PDK1: variants seen among roughly 807,000 people sequenced by gnomAD.
The protein encoded by PDK1 is [Pyruvate dehydrogenase (acetyl-transferring)] kinase isozyme 1, mitochondrial.
In PDK1, 39 loss-of-function variants were observed where a neutral mutation model predicts 54.2. That is an observed-to-expected ratio of 0.72 (90% CI 0.56 to 0.94). The LOEUF is 0.94. PDK1 is among the 40% of genes least tolerant of loss of function. The pLI, the probability that PDK1 is intolerant of heterozygous loss-of-function variation, is 0.00. For missense variants in PDK1, 552 were observed against 566.0 expected (o/e 0.98, Z 0.25); for synonymous variants, 221 against 207.1 (o/e 1.07, Z -0.58).
the PDK1 span, among the ~76,000 whole-genome samples, chr2:172,657,306 A>G: frequency 6.6e-6 from 1 of 151,592 alleles, no homozygotes; most frequent in African/African-American, 2.4e-5. Context: ...AATTACAGGC[A>G]TGAGCCACCG....
rs539042208 is a variant in PDK1 at position 172,595,740 on chromosome 2, G to A, written c.1171-89G>A. 41 of 1,028,966 alleles carry A rather than the reference G, an allele frequency of 4.0e-5. No individual in the cohort carries two copies. In the African/African-American group the frequency reaches 4.7e-4, roughly 12 times the overall value. 63.7% of individuals were successfully genotyped at this position (1,028,966 alleles called of 1,614,324 possible). The stretch of plus-strand genomic sequence containing the variant: ...ATACTAATAGAATATTATTTAATTT[G>A]TCGTAACCTTTTTGCCATTGTCTAT... On this transcript the variant is annotated intron_variant, in intron 10 of 10. Coordinates refer to ENST00000282077, the MANE Select transcript of PDK1 (RefSeq NM_002610.5).
the PDK1 span, among the ~76,000 whole-genome samples, chr2:172,673,400 C>T: frequency 6.6e-6 from 1 of 152,192 alleles, no homozygotes; most frequent in African/African-American, 2.4e-5. Context: ...TGAGCCCAAT[C>T]GCCCAACTCC....
the PDK1 span, among the ~76,000 whole-genome samples, chr2:172,661,059 T>C: frequency 1.3e-5 from 2 of 152,202 alleles, no homozygotes; most frequent in South Asian, 4.1e-4. Context: ...GATGTGACCC[T>C]ACAAGATGAG....
At chr2:172,592,679 T>A (rs1043825424) in intron 9 of PDK1, among the ~76,000 whole-genome samples, 8 of 152,172 alleles carry the variant, frequency 5.3e-5, no homozygotes, top group Non-Finnish European at 1.0e-4. Context: ...AATATGCTTT[T>A]TCGAGACCAA....
rs1347370972 is a variant in PDK1 at position 172,595,829 on chromosome 2, G to T, written c.1171G>T (p.Ala391Ser). Residue 391 changes from alanine (A) to serine (S), a missense_variant and splice_region_variant, in exon 11 of 11, where the codon GCT (alanine) becomes TCT (serine). By Grantham distance (99) the Ala-to-Ser change is moderately conservative. Transcript: ENST00000282077. ...YGTDAVIYIK[A>S]LSTDSIERLP... ...TAGGTCTTAGGTTTTTCTTTTTCAGGCTCTGTCAACAGACTCAATAGAAAG... is the reference window on the plus strand; with the variant it reads ...TAGGTCTTAGGTTTTTCTTTTTCAGTCTCTGTCAACAGACTCAATAGAAAG... 1 of 1,611,622 alleles carries T rather than the reference G, an allele frequency of 6.2e-7. No individual in the cohort carries two copies. Among genetic ancestry groups the T allele is most frequent in the South Asian group, 1.1e-5 (1 of 90,804 alleles).
the PDK1 span, among the ~76,000 whole-genome samples, chr2:172,656,996 A>G: frequency 0.62 from 93,478 of 151,602 alleles, 30,560 homozygotes; most frequent in Non-Finnish European, 0.74. Context: ...GGCTCCAGCA[A>G]TTTGTCAATT....
chr2:172,568,350 A>G (rs1689071001), intron 6 of PDK1, among the ~76,000 whole-genome samples: 1 of 148,510 alleles, frequency 6.7e-6, no homozygotes, highest in Non-Finnish European at 1.5e-5. Context: ...AAAAAAAAAA[A>G]GAAGAAGAAG....
the PDK1 span, among the ~76,000 whole-genome samples, chr2:172,643,713 A>AG: frequency 2.6e-5 from 4 of 152,288 alleles, no homozygotes; most frequent in African/African-American, 9.6e-5. Flanking sequence ...GACAGAGCTG[A>AG]GGGTGGGGAG....
chr2:172,563,336 A>C lies in PDK1; in HGVS notation c.410+1045A>C, dbSNP rs113664559. Among the ~76,000 whole-genome samples the C allele has an allele frequency of 3.1e-3, 470 of 152,274 alleles. 8 individuals carry two copies. The highest frequency in any genetic ancestry group is 0.011 in the African/African-American group (455 of 41,564). ...GATGAGTTGTTTGTTGTTTTTGAAG[A>C]GTTTTGTTGTTTGTATTTTAGTTTA... On this transcript the variant is annotated intron_variant, in intron 3 of 10. Coordinates refer to ENST00000282077, the MANE Select transcript of PDK1 (RefSeq NM_002610.5).
the PDK1 span, among the ~76,000 whole-genome samples, chr2:172,692,131 T>A: frequency 6.6e-6 from 1 of 152,150 alleles, no homozygotes; most frequent in Non-Finnish European, 1.5e-5. Flanking sequence ...TAACCTTTGG[T>A]GCAGTGGAGA....
the PDK1 span, among the ~76,000 whole-genome samples, chr2:172,679,738 A>T: frequency 6.6e-6 from 1 of 152,120 alleles, no homozygotes. Flanking sequence ...ATGGAAAAAA[A>T]TGGGGAGAGA....
chr2:172,700,694 T>A, the PDK1 span, among the ~76,000 whole-genome samples: 1 of 152,114 alleles, frequency 6.6e-6, no homozygotes, highest in Non-Finnish European at 1.5e-5. Flanking sequence ...ATCACGCCAC[T>A]GCACTCCAGC....
chr2:172,646,735 C>CTTTTTTTTTTTTTT, the PDK1 span, among the ~76,000 whole-genome samples: 5,926 of 71,506 alleles, frequency 0.083, 943 homozygotes, highest in Middle Eastern at 0.13. Flanking sequence ...CTTGCATTTC[C>CTTTTTTTTTTTTTT]TTTTTTTTTT....
In PDK1 at chr2:172,600,262, G is replaced by A. The variant is rs1288314735; in HGVS notation, c.*4293G>A. 1 of 151,926 alleles carries A rather than the reference G, an allele frequency of 6.6e-6. No homozygotes were observed. Among genetic ancestry groups the A allele is most frequent in the Non-Finnish European group, 1.5e-5 (1 of 68,026 alleles). 9.4% of individuals were successfully genotyped at this position (151,926 alleles called of 1,614,324 possible). A position where few individuals can be genotyped will look rare whatever the true frequency, so the allele number is the denominator to read the frequency against. On this transcript the variant is annotated 3_prime_UTR_variant, in exon 11 of 11. Transcript: ENST00000282077. ...ACTACATGAAAATACTTAATATAGA[G>A]TTCTACAGTTACAGTATTGCATGAA...
At chr2:172,637,329 G>A in the PDK1 span, among the ~76,000 whole-genome samples, 17 of 152,132 alleles carry the variant, frequency 1.1e-4, no homozygotes, top group South Asian at 2.1e-4. Context: ...CATGCTCCCC[G>A]CTAAACATCC....
chr2:172,571,831 T>G lies in PDK1; in HGVS notation c.945+1007T>G, dbSNP rs1016524190. On this transcript the variant is annotated intron_variant, in intron 8 of 10. Transcript: ENST00000282077. The stretch of plus-strand genomic sequence containing the variant: ...TTCTTAGTCTTTCTTTACTTTTTTT[T>G]TTTTTTTTTTTTTTTTTTGAGATGG... Among the ~76,000 whole-genome samples, 1,025 of 129,998 alleles carry G rather than the reference T, an allele frequency of 7.9e-3. 44 individuals are homozygous for G. The highest frequency in any genetic ancestry group is 0.03 in the African/African-American group (979 of 32,786). 85.3% of individuals were successfully genotyped at this position (129,998 alleles called of 152,430 possible).
At chr2:172,675,938 A>G in the PDK1 span, among the ~76,000 whole-genome samples, 4 of 152,254 alleles carry the variant, frequency 2.6e-5, no homozygotes, top group East Asian at 3.9e-4. Context: ...CAAGGCTCAC[A>G]TATTATTCTG....
Position 172,599,140 on chromosome 2 carries a change from T to C in PDK1, c.*3171T>C, listed in dbSNP as rs1390707851. On this transcript the variant is annotated 3_prime_UTR_variant, in exon 11 of 11. Transcript: ENST00000282077. ...AAATAAATTTGAAATTTGAATAACT[T>C]TCCACAGTATAACTGTAAAAAAAAA... The C allele has an allele frequency of 1.3e-5, 2 of 149,686 alleles. No individual in the cohort carries two copies. Among genetic ancestry groups the C allele is most frequent in the African/African-American group, 2.5e-5 (1 of 39,852 alleles). The allele number at this position is 149,686 out of a possible 1,614,324, so 9.3% of individuals were successfully genotyped here.
rs892999971 is a variant in PDK1 at position 172,596,047 on chromosome 2, T to C, written c.*78T>C. 1.2e-5 allele frequency: 14 copies of C among 1,167,736 alleles called. No homozygotes were observed. In the African/African-American group the frequency reaches 1.2e-4, roughly 10 times the overall value. The allele number at this position is 1,167,736 out of a possible 1,614,324, so 72.3% of individuals were successfully genotyped here. A position where few individuals can be genotyped will look rare whatever the true frequency, so the allele number is the denominator to read the frequency against. On this transcript the variant is annotated 3_prime_UTR_variant, in exon 11 of 11. Coordinates refer to ENST00000282077, the MANE Select transcript of PDK1 (RefSeq NM_002610.5). ...AGGTATGGTGTTCAGAACTATATTA[T>C]ACCAAGTACTTTATTTATCGTTTTC...
Sources: gnomAD v4.1 joint callset for allele counts (sites outside exome capture counted in the v4.1 genomes callset) on GRCh38, gnomAD v4.1.1 for gene constraint, MANE v1.5 for transcripts, NCBI Gene and HGNC (gene_info 2026-07-23, HGNC 2026-07-21) for gene names.